ARK2C: variants seen among roughly 807,000 people sequenced by gnomAD.
ARK2C encodes the protein E3 ubiquitin-protein ligase ARK2C.
the ARK2C span, among the ~76,000 whole-genome samples, chr18:46,408,013 T>C: frequency 2.6e-5 from 4 of 152,230 alleles, no homozygotes; most frequent in Non-Finnish European, 4.4e-5. Flanking sequence ...TGAGTCAGTT[T>C]GGACATCATG....
the ARK2C span, among the ~76,000 whole-genome samples, chr18:46,340,025 G>A: frequency 2.6e-5 from 4 of 152,312 alleles, no homozygotes; most frequent in Middle Eastern, 0.01. Flanking sequence ...GGCAGGAGAC[G>A]ACAGGTCCTT....
chr18:46,372,601 G>A, the ARK2C span, among the ~76,000 whole-genome samples: 6 of 152,222 alleles, frequency 3.9e-5, no homozygotes, highest in Non-Finnish European at 8.8e-5. Context: ...GTCACAGGCA[G>A]GTGTCTGGGT....
At chr18:46,456,843 C>T in the ARK2C span, 1 of 547,012 alleles carries the variant, frequency 1.8e-6, no homozygotes, top group South Asian at 2.0e-5. Context: ...GCGACTGTCC[C>T]CATCCGCCTG....
chr18:46,390,615 G>A, the ARK2C span, among the ~76,000 whole-genome samples: 7 of 152,288 alleles, frequency 4.6e-5, no homozygotes, highest in East Asian at 1.9e-4. Context: ...GAAATAAGCC[G>A]TTTTCTCTTT....
chr18:46,449,505 G>A, the ARK2C span, among the ~76,000 whole-genome samples: 1 of 152,172 alleles, frequency 6.6e-6, no homozygotes. Context: ...TGCAGAGTAG[G>A]AGTGATATGG....
chr18:46,432,060 T>C, the ARK2C span, among the ~76,000 whole-genome samples: 1 of 152,250 alleles, frequency 6.6e-6, no homozygotes, highest in Non-Finnish European at 1.5e-5. Flanking sequence ...GTTCTCATTT[T>C]AGTGGGTATT....
the ARK2C span, among the ~76,000 whole-genome samples, chr18:46,436,705 A>G: frequency 6.6e-6 from 1 of 152,186 alleles, no homozygotes; most frequent in Non-Finnish European, 1.5e-5. Flanking sequence ...GCTCATTCTC[A>G]GGTACACTCT....
the ARK2C span, among the ~76,000 whole-genome samples, chr18:46,427,783 G>A: frequency 3.3e-5 from 5 of 152,218 alleles, no homozygotes; most frequent in Non-Finnish European, 5.9e-5. Context: ...TGGTGGGGGC[G>A]GCCAGTGTGA....
the ARK2C span, among the ~76,000 whole-genome samples, chr18:46,432,855 A>G: frequency 2.0e-5 from 3 of 152,090 alleles, no homozygotes; most frequent in Non-Finnish European, 2.9e-5. Flanking sequence ...TGAGGCAGGA[A>G]AGTGGCGTGA....
At chr18:46,392,086 TACAC>T in the ARK2C span, among the ~76,000 whole-genome samples, 1 of 150,890 alleles carries the variant, frequency 6.6e-6, no homozygotes, top group African/African-American at 2.4e-5. Context: ...ACACACAACA[TACAC>T]ACACACCACG....
chr18:46,456,282 A>T, the ARK2C span, among the ~76,000 whole-genome samples: 421 of 152,254 alleles, frequency 2.8e-3, 1 homozygote, highest in Non-Finnish European at 5.1e-3. Context: ...GGACGCGAGG[A>T]TGAAAAGTGT....
the ARK2C span, among the ~76,000 whole-genome samples, chr18:46,347,628 T>G: frequency 1.3e-5 from 2 of 152,132 alleles, no homozygotes; most frequent in Non-Finnish European, 2.9e-5. Context: ...GTGGATGTAA[T>G]GTACCCACCG....
chr18:46,344,248 A>G, the ARK2C span, among the ~76,000 whole-genome samples: 1 of 152,202 alleles, frequency 6.6e-6, no homozygotes, highest in African/African-American at 2.4e-5. Context: ...GTGAGAATTC[A>G]GTGGACACCT....
chr18:46,386,179 C>T, the ARK2C span: 1 of 152,242 alleles, frequency 6.6e-6, no homozygotes, highest in Non-Finnish European at 1.5e-5. Flanking sequence ...GTTTCTCTTC[C>T]TCTGGCTGCC....
the ARK2C span, among the ~76,000 whole-genome samples, chr18:46,400,015 G>C: frequency 1.1e-4 from 16 of 152,276 alleles, no homozygotes; most frequent in East Asian, 2.7e-3. Context: ...CAGGTGTTCT[G>C]ATCTTCAGCC....
chr18:46,358,926 G>A, the ARK2C span, among the ~76,000 whole-genome samples: 3 of 152,092 alleles, frequency 2.0e-5, no homozygotes, highest in Non-Finnish European at 2.9e-5. Flanking sequence ...TCACACCCCC[G>A]GACTCTTGTC....
the ARK2C span, chr18:46,460,475 CTT>C: frequency 6.6e-6 from 1 of 151,988 alleles, no homozygotes; most frequent in Non-Finnish European, 1.5e-5. Flanking sequence ...TTATGACTAA[CTT>C]GTAGATATCG....
the ARK2C span, among the ~76,000 whole-genome samples, chr18:46,390,846 A>T: frequency 6.6e-6 from 1 of 152,180 alleles, no homozygotes. Context: ...TTAATGCCTC[A>T]TGGGGTGTGA....
the ARK2C span, among the ~76,000 whole-genome samples, chr18:46,353,996 G>A: frequency 6.6e-6 from 1 of 152,144 alleles, no homozygotes; most frequent in African/African-American, 2.4e-5. Context: ...ACTTGGCCAA[G>A]ATCATTCAGC....
Sources: gnomAD v4.1 joint callset for allele counts (sites outside exome capture counted in the v4.1 genomes callset) on GRCh38, gnomAD v4.1.1 for gene constraint, MANE v1.5 for transcripts, NCBI Gene and HGNC (gene_info 2026-07-23, HGNC 2026-07-21) for gene names.